RRP36: variants seen among roughly 807,000 people sequenced by gnomAD.
The protein encoded by RRP36 is ribosomal RNA processing protein 36 homolog.
Under a neutral mutation model 39.8 loss-of-function variants are expected in RRP36, and 44 were observed. The ratio of observed to expected loss-of-function variants is 1.10; its 90% CI spans 0.87 to 1.42. The LOEUF (loss-of-function observed/expected upper bound fraction) is 1.42. Among genes scored for constraint, RRP36 ranks in the 40% most tolerant of loss-of-function variants. RRP36 has a pLI of 0.00. For missense variants in RRP36, 316 were observed against 322.4 expected, an observed-to-expected ratio of 0.98 and a Z score of 0.15; for synonymous variants, 124 against 123.1, an observed-to-expected ratio of 1.01 and a Z score of -0.05.
intron 6 of RRP36, among the ~76,000 whole-genome samples, chr6:43,028,066 G>A (rs1285355877): frequency 3.3e-5 from 5 of 152,192 alleles, no homozygotes; most frequent in East Asian, 1.9e-4. Context: ...GGTGGCTCAC[G>A]CCTATAATCC....
At chr6:43,026,243 A>C (rs1331128953) in intron 4 of RRP36, 102 bp downstream of exon 4, 7 of 706,572 alleles carry the variant, frequency 9.9e-6, no homozygotes, top group Admixed American at 2.2e-5. Context: ...AGTGGTGGGC[A>C]GATTTAACTC....
chr6:43,029,509 A>AG lies in RRP36; in HGVS notation c.*285dup, dbSNP rs1339215511. The AG allele has an allele frequency of 3.1e-5, 10 of 318,246 alleles. No individual in the cohort carries two copies. The East Asian group carries it at 5.3e-4, about 17-fold the overall frequency. The allele number at this position is 318,246 out of a possible 1,614,324, so 19.7% of individuals were successfully genotyped here. On this transcript the variant is annotated 3_prime_UTR_variant, in exon 7 of 7. Coordinates refer to ENST00000244496, the MANE Select transcript of RRP36 (RefSeq NM_033112.4). ...ACCAGGGATTCTGATACCGAAGAAG[A>AG]GGGGCCAATGAAAACCATGGAGTCT...
chr6:43,026,844 T>A (rs1216053625), intron 4 of RRP36, among the ~76,000 whole-genome samples: 4 of 151,572 alleles, frequency 2.6e-5, no homozygotes, highest in Non-Finnish European at 5.9e-5. Context: ...TCTACTAAAA[T>A]ACAAAAGGAG....
chr6:43,023,332 G>A (rs1197300935), intron 1 of RRP36, among the ~76,000 whole-genome samples: 3 of 151,826 alleles, frequency 2.0e-5, no homozygotes, highest in Non-Finnish European at 4.4e-5. Context: ...CCAGGAGGTC[G>A]AGGCTGCAGT....
chr6:43,023,477 C>G (rs1235292179), intron 1 of RRP36, among the ~76,000 whole-genome samples: 1 of 151,896 alleles, frequency 6.6e-6, no homozygotes, highest in African/African-American at 2.4e-5. Context: ...GGGCGGATCA[C>G]AAGGTCAGGA....
chr6:43,027,496 T>C lies in RRP36; in HGVS notation c.643+19T>C. On this transcript the variant is annotated intron_variant, in intron 6 of 6. Coordinates refer to ENST00000244496, the MANE Select transcript of RRP36 (RefSeq NM_033112.4). Reference sequence around the variant, plus strand: ...AAAAAATGTGAGTTGGGCACAACTGTTGCTAACAGGGACAGGGGTGCAGGG... The same window carrying C: ...AAAAAATGTGAGTTGGGCACAACTGCTGCTAACAGGGACAGGGGTGCAGGG... 1 of 1,597,610 alleles carries C rather than the reference T, an allele frequency of 6.3e-7. No individual in the cohort carries two copies. The highest frequency in any genetic ancestry group is 1.3e-5 in the African/African-American group (1 of 74,642).
intron 1 of RRP36, among the ~76,000 whole-genome samples, chr6:43,022,659 G>A (rs1331604419): frequency 7.4e-6 from 1 of 135,088 alleles, no homozygotes; most frequent in African/African-American, 2.9e-5. Context: ...TTTTGACGGC[G>A]TCTCGCTCTG....
At chr6:43,025,220 C>G (rs1295088127) in intron 2 of RRP36, 43 bp from the exon 3 acceptor site, 2 of 1,612,704 alleles carry the variant, frequency 1.2e-6, no homozygotes, top group Non-Finnish European at 8.5e-7. Flanking sequence ...AGCCTTTGAC[C>G]AACACTGGAG....
At chr6:43,025,978 T>C (rs1380521232) in intron 3 of RRP36, 59 bp from the exon 4 acceptor site, 3 of 1,314,958 alleles carry the variant, frequency 2.3e-6, no homozygotes, top group Non-Finnish European at 3.2e-6. Flanking sequence ...GGAAGCACTT[T>C]TTCTCAGTGA....
chr6:43,024,353 G>A (rs1762774694), intron 1 of RRP36, among the ~76,000 whole-genome samples: 1 of 152,058 alleles, frequency 6.6e-6, no homozygotes, highest in South Asian at 2.1e-4. Context: ...AGAAGGAGAT[G>A]AGTAGAGTAG....
Position 43,029,127 on chromosome 6 carries a change from A to C in RRP36, c.679A>C (p.Lys227Gln), listed in dbSNP as rs750587298. ...QRQLALAEKF[K>Q]ELKRSKKLEN... is the part of the protein sequence containing the mutation. ...CCAGTTGGCACTAGCTGAGAAGTTC[A>C]AGGAGCTGAAACGCAGCAAGAAATT... The change falls in exon 7 of 7, where the codon AAG becomes CAG. Residue 227 changes from lysine to glutamine, a missense_variant. By Grantham distance (53) the Lys-to-Gln change is moderately conservative (BLOSUM62 1). Transcript: ENST00000244496. 4 of 1,614,246 alleles carry C rather than the reference A, an allele frequency of 2.5e-6. No individual in the cohort carries two copies. The highest frequency in any genetic ancestry group is 1.7e-5 in the Admixed American group (1 of 60,028).
chr6:43,025,326 AAAGGT>A lies in RRP36; in HGVS notation c.345+2_345+6del, dbSNP rs759338751. On this transcript the variant is annotated splice_donor_variant and coding_sequence_variant, in exon 3 of 7. Coordinates refer to ENST00000244496, the MANE Select transcript of RRP36 (RefSeq NM_033112.4). LOFTEE classifies it high-confidence loss of function. Reference sequence around the variant, plus strand: ...TACGTCAGGTTGTTCCCATTAGTAAAAAGGTAAGGAAGAAGGCCAGGCACTGTGGC... The same window carrying A: ...TACGTCAGGTTGTTCCCATTAGTAAAAAGGAAGAAGGCCAGGCACTGTGGC... The A allele has an allele frequency of 1.2e-6, 2 of 1,613,112 alleles. No individual in the cohort carries two copies. The highest frequency in any genetic ancestry group is 2.7e-5 in the African/African-American group (2 of 74,890).
At chr6:43,026,394 G>A (rs1441176019) in intron 4 of RRP36, among the ~76,000 whole-genome samples, 1 of 152,220 alleles carries the variant, frequency 6.6e-6, no homozygotes, top group East Asian at 1.9e-4. Context: ...GAGGCCGGGT[G>A]TGGTGGCTCA....
chr6:43,028,012 G>GATCAACTCA (rs1313506197), intron 6 of RRP36, among the ~76,000 whole-genome samples: 2 of 152,156 alleles, frequency 1.3e-5, no homozygotes, highest in African/African-American at 4.8e-5. Flanking sequence ...GTTGAATTGA[G>GATCAACTCA]TAGTACTGAG....
Position 43,029,257 on chromosome 6 carries a change from C to G in RRP36, c.*29C>G, listed in dbSNP as rs1581889293. 1 of 1,609,624 alleles carries G rather than the reference C, an allele frequency of 6.2e-7. No individual in the cohort carries two copies. Among genetic ancestry groups the G allele is most frequent in the East Asian group, 2.2e-5 (1 of 44,754 alleles). On this transcript the variant is annotated 3_prime_UTR_variant, in exon 7 of 7. Transcript: ENST00000244496. ...GGAACTATCCTCTGCTCTGCCACTG[C>G]CCCAGGGAGACATGGATCTGTGAGG...
At chr6:43,024,342 GAGA>G (rs774260439) in intron 1 of RRP36, among the ~76,000 whole-genome samples, 11 of 152,130 alleles carry the variant, frequency 7.2e-5, no homozygotes, top group Non-Finnish European at 1.5e-4. Flanking sequence ...TGAGAGGAGT[GAGA>G]AGGAGATGAG....
rs41274910 is a variant in RRP36 at position 43,029,517 on chromosome 6, A to G, written c.*289A>G. On this transcript the variant is annotated 3_prime_UTR_variant, in exon 7 of 7. Transcript: ENST00000244496. The stretch of plus-strand genomic sequence containing the variant: ...TTCTGATACCGAAGAAGAGGGGCCA[A>G]TGAAAACCATGGAGTCTGTTCGTGA... 6.4e-4 allele frequency: 196 copies of G among 304,056 alleles called. No homozygotes were observed. The highest frequency in any genetic ancestry group is 1.8e-3 in the Middle Eastern group (2 of 1,088). The allele number at this position is 304,056 out of a possible 1,614,324, so 18.8% of individuals were successfully genotyped here. A position where few individuals can be genotyped will look rare whatever the true frequency, so the allele number is the denominator to read the frequency against.
At chr6:43,022,664 G>T (rs6929065) in intron 1 of RRP36, among the ~76,000 whole-genome samples, 3,516 of 131,364 alleles carry the variant, frequency 0.027, 154 homozygotes, top group African/African-American at 0.098. Context: ...ACGGCGTCTC[G>T]CTCTGTTGCC....
At chr6:43,022,638 T>C (rs1762745356) in intron 1 of RRP36, among the ~76,000 whole-genome samples, 1 of 146,984 alleles carries the variant, frequency 6.8e-6, no homozygotes, top group South Asian at 2.1e-4. Context: ...TCACCTTTTT[T>C]TTTTTTTTTT....
Sources: gnomAD v4.1 joint callset for allele counts (sites outside exome capture counted in the v4.1 genomes callset) on GRCh38, gnomAD v4.1.1 for gene constraint, MANE v1.5 for transcripts, NCBI Gene and HGNC (gene_info 2026-07-23, HGNC 2026-07-21) for gene names.